Variants in MAK16 observed in about 807,000 individuals in gnomAD.
MAK16 encodes the protein MAK16 homolog, also known as protein MAK16 homolog.
MAK16 carries 12 observed loss-of-function variants against 49.9 expected under a neutral mutation model. That is an observed-to-expected ratio of 0.24 (90% CI 0.15 to 0.39). The LOEUF is 0.39. Ranked by LOEUF, MAK16 falls within the 10% of genes least tolerant of loss-of-function variation. The pLI, the probability that MAK16 is intolerant of heterozygous loss-of-function variation, is 1.00. For synonymous variants in MAK16, 115 were observed against 126.4 expected (o/e 0.91, Z 0.60); for missense variants, 292 against 363.7 (o/e 0.80, Z 1.60).
In MAK16 at chr8:33,492,609, C is replaced by T. The variant is rs1585315260; in HGVS notation, c.447+2270C>T. On this transcript the variant is annotated intron_variant, in intron 6 of 9. Coordinates refer to ENST00000360128, the MANE Select transcript of MAK16 (RefSeq NM_032509.4). The stretch of plus-strand genomic sequence containing the variant: ...ATAGGGGTCTAGTTTCATTCTTCTG[C>T]ATATGGAGATCAAGTTTTTCCAGCA... Among the ~76,000 whole-genome samples, 3 of 152,254 alleles carry T rather than the reference C, an allele frequency of 2.0e-5. No individual in the cohort carries two copies. The East Asian group carries it at 5.8e-4, about 29-fold the overall frequency.
At chr8:33,488,296 G>C in intron 1 of MAK16, 82 bp from the exon 2 acceptor site, 1 of 1,376,562 alleles carries the variant, frequency 7.3e-7, no homozygotes, top group Non-Finnish European at 1.0e-6. Context: ...TCTCATTCCT[G>C]TCCTTGGGCA....
chr8:33,495,663 A>G (rs1808845463), intron 7 of MAK16, 47 bp downstream of exon 7: 2 of 654,490 alleles, frequency 3.1e-6, no homozygotes, highest in Admixed American at 2.6e-5. Flanking sequence ...AAGTGGTAGT[A>G]TGTTGCTAAG....
At chr8:33,487,428 CTT>C (rs11292522) in intron 1 of MAK16, among the ~76,000 whole-genome samples, 224 of 143,190 alleles carry the variant, frequency 1.6e-3, no homozygotes, top group Middle Eastern at 7.2e-3. Flanking sequence ...ACCATGAAGC[CTT>C]TTTTTTTTTT....
chr8:33,498,370 A>G, intron 9 of MAK16, 62 bp from the exon 10 acceptor site: 2 of 1,471,378 alleles, frequency 1.4e-6, no homozygotes, highest in Non-Finnish European at 9.4e-7. Context: ...GGGGACAAGG[A>G]AGGGAGTTTG....
intron 6 of MAK16, among the ~76,000 whole-genome samples, chr8:33,492,641 A>G (rs138469435): frequency 0.014 from 2,184 of 152,156 alleles, 47 homozygotes; most frequent in African/African-American, 0.043. Flanking sequence ...AGCACCATTT[A>G]TTGAAGAGAC....
chr8:33,488,494 T>C, intron 2 of MAK16, 26 bp from the exon 3 acceptor site: 1 of 1,613,928 alleles, frequency 6.2e-7, no homozygotes, highest in Middle Eastern at 1.7e-4. Context: ...CATTTTATAA[T>C]CTTTGTTTCT....
chr8:33,498,375 A>G, intron 9 of MAK16, 57 bp from the exon 10 acceptor site: 1 of 1,491,386 alleles, frequency 6.7e-7, no homozygotes, highest in Non-Finnish European at 9.2e-7. Context: ...CAAGGAAGGG[A>G]GTTTGGAGAA....
At chr8:33,496,931 T>G (rs1808870196) in intron 8 of MAK16, among the ~76,000 whole-genome samples, 190 bp downstream of exon 8, 1 of 152,324 alleles carries the variant, frequency 6.6e-6, no homozygotes, top group Middle Eastern at 3.4e-3. Flanking sequence ...ATTTTAGTCT[T>G]AATTTATTGG....
intron 8 of MAK16, among the ~76,000 whole-genome samples, chr8:33,496,982 C>T (rs1261491638): frequency 6.6e-6 from 1 of 152,098 alleles, no homozygotes; most frequent in African/African-American, 2.4e-5. Flanking sequence ...ATTATAAAGC[C>T]TTTCCTGTCT....
At chr8:33,490,129 C>T (rs1808754175) in intron 5 of MAK16, among the ~76,000 whole-genome samples, 156 bp from the exon 6 acceptor site, 1 of 152,176 alleles carries the variant, frequency 6.6e-6, no homozygotes, top group African/African-American at 2.4e-5. Flanking sequence ...TTGTTTGAAT[C>T]GCTAGCCTCC....
Position 33,491,222 on chromosome 8 carries a change from C to T in MAK16, c.447+883C>T, listed in dbSNP as rs374085025. Among the ~76,000 whole-genome samples, 13 of 152,244 alleles carry T rather than the reference C, an allele frequency of 8.5e-5. 1 individual carries two copies. The East Asian group carries it at 1.2e-3, about 14-fold the overall frequency. ...TAGGTTGCTTCCAAATTTTGGCTGT[C>T]GTGAACAGAGCTGTAACACACATGG... On this transcript the variant is annotated intron_variant, in intron 6 of 9. Transcript: ENST00000360128.
At position 33,495,593 on chromosome 8, in the gene MAK16, C is replaced by G; in HGVS notation, c.499C>G (p.Leu167Val). 6.2e-7 allele frequency: 1 copy of G among 1,608,456 alleles called. No homozygotes were observed. Among genetic ancestry groups the G allele is most frequent in the Non-Finnish European group, 8.5e-7 (1 of 1,177,746 alleles). ...QLDNAIEKEL[L>V]ERLKQDTYGD... The stretch of plus-strand genomic sequence containing the variant: ...GGACAATGCCATTGAGAAGGAATTA[C>G]TGGAGAGACTGAAACAAGATACGGT... The change falls in exon 7 of 10, where the codon CTG becomes GTG. Residue 167 changes from leucine (L) to valine (V), a missense_variant. Leu to Val is a conservative substitution (Grantham distance 32). Transcript: ENST00000360128.
At position 33,500,363 on chromosome 8, in the gene MAK16, TCA is replaced by T. The variant is rs1362482472; in HGVS notation, c.*1735_*1736del. The T allele has an allele frequency of 6.2e-7, 1 of 1,614,060 alleles. No individual in the cohort carries two copies. Among genetic ancestry groups the T allele is most frequent in the East Asian group, 2.2e-5 (1 of 44,900 alleles). On this transcript the variant is annotated 3_prime_UTR_variant, in exon 10 of 10. Coordinates refer to ENST00000360128, the MANE Select transcript of MAK16 (RefSeq NM_032509.4). ...CCTTGAGAACAGCGGTCCAGGAGAA[TCA>T]GGCAGTCTGTGGCCTCCTGTAGCAG...
rs952599330 is a variant in MAK16 at position 33,500,207 on chromosome 8, T to C, written c.*1578T>C. 6.7e-6 allele frequency: 8 copies of C among 1,191,674 alleles called. No homozygotes were observed. The highest frequency in any genetic ancestry group is 7.2e-6 in the Non-Finnish European group (6 of 830,986). 73.8% of individuals were successfully genotyped at this position (1,191,674 alleles called of 1,614,324 possible). ...AGGCTAGAGGGCTCATATGGAGATCTAAAACCCTCCATGTTCATTTCCAGA... is the reference window on the plus strand; with the variant it reads ...AGGCTAGAGGGCTCATATGGAGATCCAAAACCCTCCATGTTCATTTCCAGA... On this transcript the variant is annotated 3_prime_UTR_variant, in exon 10 of 10. Transcript: ENST00000360128.
Position 33,499,311 on chromosome 8 carries a change from T to A in MAK16, c.*682T>A, listed in dbSNP as rs2732279. ...TGAAACCAAACAGGCTTTGATATTT[T>A]TTTTTTTTTAATTACTTTCCCCTTT... On this transcript the variant is annotated 3_prime_UTR_variant, in exon 10 of 10. Coordinates refer to ENST00000360128, the MANE Select transcript of MAK16 (RefSeq NM_032509.4). The A allele has an allele frequency of 0.025, 36,913 of 1,504,306 alleles. 697 individuals are homozygous for A. Among genetic ancestry groups the A allele is most frequent in the East Asian group, 0.062 (2,742 of 44,264 alleles). 93.2% of individuals were successfully genotyped at this position (1,504,306 alleles called of 1,614,324 possible). A position where few individuals can be genotyped will look rare whatever the true frequency, so the allele number is the denominator to read the frequency against.
intron 6 of MAK16, among the ~76,000 whole-genome samples, chr8:33,490,619 A>G (rs1808762784): frequency 6.6e-6 from 1 of 152,208 alleles, no homozygotes; most frequent in African/African-American, 2.4e-5. Context: ...CAGACTTCAG[A>G]ATTTTGATGT....
intron 5 of MAK16, 91 bp from the exon 6 acceptor site, chr8:33,490,194 A>G (rs1585314298): frequency 9.7e-7 from 1 of 1,028,164 alleles, no homozygotes; most frequent in East Asian, 2.4e-5. Flanking sequence ...CTTCCATTTT[A>G]GTCACCAATT....
In MAK16 at chr8:33,499,347, T is replaced by C; in HGVS notation, c.*718T>C. ...ATTACTTTCCCCTTTTGCTTGATTC[T>C]TCTTCCTTGGTATCATATTCAAAGG... On this transcript the variant is annotated 3_prime_UTR_variant, in exon 10 of 10. Transcript: ENST00000360128. 2.7e-6 allele frequency: 3 copies of C among 1,112,780 alleles called. No individual in the cohort carries two copies. The South Asian group carries it at 3.9e-5, about 14-fold the overall frequency. The allele number at this position is 1,112,780 out of a possible 1,614,324, so 68.9% of individuals were successfully genotyped here. A position where few individuals can be genotyped will look rare whatever the true frequency, so the allele number is the denominator to read the frequency against.
intron 6 of MAK16, among the ~76,000 whole-genome samples, chr8:33,494,665 A>T (rs1027002138): frequency 6.6e-6 from 1 of 152,212 alleles, no homozygotes; most frequent in African/African-American, 2.4e-5. Flanking sequence ...AATGATGTTA[A>T]ATTTTTTAAG....
Sources: gnomAD v4.1 joint callset for allele counts (sites outside exome capture counted in the v4.1 genomes callset) on GRCh38, gnomAD v4.1.1 for gene constraint, MANE v1.5 for transcripts, NCBI Gene and HGNC (gene_info 2026-07-23, HGNC 2026-07-21) for gene names.